Variants in PREPL observed in about 807,000 individuals in gnomAD.
PREPL encodes prolyl endopeptidase-like.
In PREPL, 77 loss-of-function variants were observed where a neutral mutation model predicts 70.6. The observed-to-expected ratio is 1.09, with a 90% CI of 0.91 to 1.32. The LOEUF (loss-of-function observed/expected upper bound fraction) is 1.32. PREPL is among the 40% of genes most tolerant of loss of function. The probability of loss-of-function intolerance (pLI) is 0.00; values close to 1 mark genes in which losing one functional copy is unlikely to be tolerated. For missense variants in PREPL, 1,002 were observed against 778.2 expected, an observed-to-expected ratio of 1.29 and a Z score of -3.42; for synonymous variants, 315 against 264.8, an observed-to-expected ratio of 1.19 and a Z score of -1.84.
In PREPL at chr2:44,329,072, T is replaced by A; in HGVS notation, c.1127A>T (p.Asp376Val). Residue 376 changes from aspartate to valine, a missense_variant, in exon 9 of 14, where the codon GAC becomes GTC. By Grantham distance (152) the Asp-to-Val change is radical. Transcript: ENST00000409411. ...LVPMTVFHKT[D>V]SEDLQKKPLL... is the part of the protein sequence containing the mutation. Reference sequence around the variant, plus strand: ...AGGTTTCTTCTGCAAGTCCTCAGAGTCAGTTTTGTGGAAAACAGTCATTGG... The same window carrying A: ...AGGTTTCTTCTGCAAGTCCTCAGAGACAGTTTTGTGGAAAACAGTCATTGG... 1 of 1,610,692 alleles carries A rather than the reference T, an allele frequency of 6.2e-7. No individual in the cohort carries two copies. The highest frequency in any genetic ancestry group is 8.5e-7 in the Non-Finnish European group (1 of 1,177,116).
chr2:44,318,313 A>T lies in PREPL; in HGVS notation c.*3043T>A, dbSNP rs975915280. On this transcript the variant is annotated 3_prime_UTR_variant, in exon 14 of 14. Transcript: ENST00000409411. ...CACCATGTTGGCCAGGCTGGTCTTG[A>T]ACTCCTGACCTCTGGTGATCTGTCT... 2 of 243,168 alleles carry T rather than the reference A, an allele frequency of 8.2e-6. No homozygotes were observed. Among genetic ancestry groups the T allele is most frequent in the Non-Finnish European group, 1.7e-5 (2 of 118,778 alleles). The allele number at this position is 243,168 out of a possible 1,614,324, so 15.1% of individuals were successfully genotyped here. A position where few individuals can be genotyped will look rare whatever the true frequency, so the allele number is the denominator to read the frequency against.
chr2:44,346,046 A>G (rs865883697), intron 2 of PREPL, among the ~76,000 whole-genome samples: 5 of 152,230 alleles, frequency 3.3e-5, no homozygotes, highest in African/African-American at 1.2e-4. Context: ...ACAGTTGAAA[A>G]TTCATCTTAC....
At chr2:44,322,008 A>T in intron 12 of PREPL, 108 bp from the exon 13 acceptor site, 5 of 1,142,380 alleles carry the variant, frequency 4.4e-6, no homozygotes, top group Non-Finnish European at 6.0e-6. Context: ...AAATAATAGT[A>T]AAGGAATAAA....
rs375885862 is a variant in PREPL at position 44,342,493 on chromosome 2, G to A, written c.409C>T (p.Arg137Cys). Residue 137 changes from arginine (R) to cysteine (C), a missense_variant, in exon 5 of 14, where the codon CGC (arginine) becomes TGC (cysteine). Physicochemically the swap from Arg to Cys is radical, Grantham distance 180. Coordinates refer to ENST00000409411, the MANE Select transcript of PREPL (RefSeq NM_001171613.2). ...GTGGCTCGATATACGTCATGACAGCGAAGGTTCCTCTGGAAGGTGTAGAAT... is the reference window on the plus strand; with the variant it reads ...GTGGCTCGATATACGTCATGACAGCAAAGGTTCCTCTGGAAGGTGTAGAAT... ...VLFYTFQRNL[R>C]CHDVYRATFG... The A allele has an allele frequency of 1.4e-5, 22 of 1,612,344 alleles. No individual in the cohort carries two copies. The highest frequency in any genetic ancestry group is 4.5e-5 in the East Asian group (2 of 44,820).
chr2:44,344,042 A>C, intron 3 of PREPL, 91 bp from the exon 4 acceptor site: 1 of 1,421,888 alleles, frequency 7.0e-7, no homozygotes. Flanking sequence ...TAGAATTCCC[A>C]TTCTGTAAGA....
chr2:44,358,121 G>C (rs563695733), intron 1 of PREPL, among the ~76,000 whole-genome samples: 1 of 152,256 alleles, frequency 6.6e-6, no homozygotes, highest in East Asian at 1.9e-4. Context: ...AGATTGAAAA[G>C]ATAGTTTCTA....
chr2:44,350,065 T>G (rs1290988332), intron 1 of PREPL, among the ~76,000 whole-genome samples: 1 of 152,042 alleles, frequency 6.6e-6, no homozygotes, highest in African/African-American at 2.4e-5. Flanking sequence ...AAAAAAATAG[T>G]AAAAGAGGTA....
intron 3 of PREPL, among the ~76,000 whole-genome samples, chr2:44,344,180 A>G (rs1036513469): frequency 6.6e-5 from 10 of 152,158 alleles, no homozygotes; most frequent in African/African-American, 2.4e-4. Flanking sequence ...ACATTATTTG[A>G]TATTGTTATA....
At chr2:44,337,142 A>T (rs1674717970) in intron 7 of PREPL, among the ~76,000 whole-genome samples, 1 of 152,188 alleles carries the variant, frequency 6.6e-6, no homozygotes, top group South Asian at 2.1e-4. Context: ...CAGAATAATT[A>T]ACAGTTTCCT....
At chr2:44,326,546 C>A (rs1317720769) in intron 10 of PREPL, among the ~76,000 whole-genome samples, 166 bp downstream of exon 10, 1 of 151,568 alleles carries the variant, frequency 6.6e-6, no homozygotes, top group Admixed American at 6.6e-5. Flanking sequence ...CCATGTTGCC[C>A]AGGCTGGTCT....
At chr2:44,335,216 A>G (rs565639407) in intron 7 of PREPL, among the ~76,000 whole-genome samples, 1 of 152,348 alleles carries the variant, frequency 6.6e-6, no homozygotes, top group South Asian at 2.1e-4. Flanking sequence ...GTTCCAGTGG[A>G]ATTTAAAACC....
chr2:44,332,961 T>C (rs541955856), intron 7 of PREPL, among the ~76,000 whole-genome samples: 314 of 152,244 alleles, frequency 2.1e-3, no homozygotes, highest in Non-Finnish European at 4.0e-3. Flanking sequence ...GATAATAAAA[T>C]AGTAAAATGG....
At chr2:44,351,138 T>C (rs1205816845) in intron 1 of PREPL, among the ~76,000 whole-genome samples, 1 of 150,718 alleles carries the variant, frequency 6.6e-6, no homozygotes, top group Non-Finnish European at 1.5e-5. Context: ...TTTCACCATA[T>C]TGGCTAGGCT....
At position 44,321,222 on chromosome 2, in the gene PREPL, A is replaced by G; in HGVS notation, c.*134T>C. 1 of 777,610 alleles carries G rather than the reference A, an allele frequency of 1.3e-6. No homozygotes were observed. Among genetic ancestry groups the G allele is most frequent in the Non-Finnish European group, 2.1e-6 (1 of 486,216 alleles). 48.2% of individuals were successfully genotyped at this position (777,610 alleles called of 1,614,324 possible). On this transcript the variant is annotated 3_prime_UTR_variant, in exon 14 of 14. Coordinates refer to ENST00000409411, the MANE Select transcript of PREPL (RefSeq NM_001171613.2). Reference sequence around the variant, plus strand: ...GTGAGATGTAGACTAAGCAAAATTTAGATGGAGAAGCACATTTTAAAAAAT... The same window carrying G: ...GTGAGATGTAGACTAAGCAAAATTTGGATGGAGAAGCACATTTTAAAAAAT...
chr2:44,349,215 A>T (rs987648025), intron 1 of PREPL, among the ~76,000 whole-genome samples: 6 of 152,232 alleles, frequency 3.9e-5, no homozygotes, highest in African/African-American at 1.4e-4. Flanking sequence ...AAGTAGAAAG[A>T]CACCGGACAG....
intron 1 of PREPL, among the ~76,000 whole-genome samples, chr2:44,352,436 A>C (rs111359448): frequency 2.2e-4 from 33 of 151,958 alleles, no homozygotes; most frequent in African/African-American, 6.8e-4. Flanking sequence ...TAATTTTTGC[A>C]TTGTTTGTAG....
At chr2:44,324,405 T>G (rs898930789) in intron 10 of PREPL, among the ~76,000 whole-genome samples, 3 of 152,192 alleles carry the variant, frequency 2.0e-5, no homozygotes, top group Non-Finnish European at 4.4e-5. Flanking sequence ...TTTATGGTAT[T>G]TTACCATAAT....
intron 10 of PREPL, among the ~76,000 whole-genome samples, chr2:44,323,650 C>T (rs1031217113): frequency 6.6e-6 from 1 of 152,108 alleles, no homozygotes; most frequent in African/African-American, 2.4e-5. Flanking sequence ...TCTAATTTCA[C>T]AATATTTATT....
rs771273465 is a variant in PREPL, at chr2:44,323,335, C to G, written c.1556G>C (p.Gly519Ala). The G allele has an allele frequency of 3.1e-6, 5 of 1,602,658 alleles. No homozygotes were observed. The highest frequency in any genetic ancestry group is 1.7e-6 in the Non-Finnish European group (2 of 1,170,146). Reference protein sequence around the residue: ...PLTLEELEEWGNPSSDEKHKN... With the variant: ...PLTLEELEEWANPSSDEKHKN... The stretch of plus-strand genomic sequence containing the variant: ...GTGTTTTTCATCAGATGAAGGATTC[C>G]CCCATTCTTCTAATTCTTCTAATGT... Residue 519 changes from glycine to alanine, a missense_variant, in exon 11 of 14, where the codon GGG becomes GCG. Transcript: ENST00000409411.
Sources: gnomAD v4.1 joint callset for allele counts (sites outside exome capture counted in the v4.1 genomes callset) on GRCh38, gnomAD v4.1.1 for gene constraint, MANE v1.5 for transcripts, NCBI Gene and HGNC (gene_info 2026-07-23, HGNC 2026-07-21) for gene names.